Variants in LYPD5 observed in about 807,000 individuals in gnomAD.
LYPD5 encodes LY6/PLAUR domain containing 5.
Under a neutral mutation model 19.1 loss-of-function variants are expected in LYPD5, and 21 were observed. That is an observed-to-expected ratio of 1.10 (90% confidence interval 0.78 to 1.58). LYPD5 has a LOEUF of 1.58. LYPD5 is among the 40% of genes most tolerant of loss of function. The probability of loss-of-function intolerance (pLI) is 0.00; values close to 1 mark genes in which losing one functional copy is unlikely to be tolerated. For missense variants in LYPD5, 287 were observed against 329.8 expected, an observed-to-expected ratio of 0.87 and a Z score of 1.00; for synonymous variants, 128 against 142.7, an observed-to-expected ratio of 0.90 and a Z score of 0.74.
chr19:43,807,756 CT>C (rs952879380), intron 1 of LYPD5, among the ~76,000 whole-genome samples: 5 of 152,196 alleles, frequency 3.3e-5, no homozygotes, highest in African/African-American at 1.2e-4. Context: ...AGATTGGGTC[CT>C]GATTCAGTCA....
intron 1 of LYPD5, among the ~76,000 whole-genome samples, chr19:43,808,235 G>C (rs886473922): frequency 1.3e-5 from 2 of 152,102 alleles, no homozygotes; most frequent in Non-Finnish European, 1.5e-5. Flanking sequence ...CCTCCGGAGA[G>C]GCTGGGATTA....
intron 1 of LYPD5, among the ~76,000 whole-genome samples, chr19:43,816,710 T>A (rs1970378593): frequency 6.6e-6 from 1 of 152,242 alleles, no homozygotes; most frequent in Admixed American, 6.5e-5. Context: ...ACGGTTTGGC[T>A]GTGTCCCCAC....
intron 1 of LYPD5, among the ~76,000 whole-genome samples, chr19:43,808,968 T>C (rs1388270859): frequency 6.6e-6 from 1 of 152,272 alleles, no homozygotes; most frequent in Non-Finnish European, 1.5e-5. Context: ...ACTTGCATAA[T>C]ACTCTTTAAT....
chr19:43,814,355 G>A (rs1057391335), intron 1 of LYPD5, among the ~76,000 whole-genome samples: 2 of 152,118 alleles, frequency 1.3e-5, no homozygotes, highest in Non-Finnish European at 2.9e-5. Context: ...ATTAGCAGGT[G>A]TAGTGGTGCA....
chr19:43,803,399 C>T (rs1291106078), upstream of LYPD5, among the ~76,000 whole-genome samples: 2 of 152,198 alleles, frequency 1.3e-5, no homozygotes, highest in African/African-American at 4.8e-5. Flanking sequence ...AGACCCCAGG[C>T]TAGCACCTCC....
At chr19:43,808,787 T>G (rs1425797970) in intron 1 of LYPD5, among the ~76,000 whole-genome samples, 1 of 152,232 alleles carries the variant, frequency 6.6e-6, no homozygotes, top group Non-Finnish European at 1.5e-5. Flanking sequence ...CTGGTCCTGA[T>G]TATTTTTTGT....
intron 2 of LYPD5, 103 bp from the exon 3 acceptor site, chr19:43,799,091 TCCTCC>T: frequency 7.7e-7 from 1 of 1,292,844 alleles, no homozygotes; most frequent in Non-Finnish European, 1.0e-6. Flanking sequence ...CACCTACACC[TCCTCC>T]CCTCCCTCCT....
chr19:43,819,610 GA>G (rs1236773644), intron 1 of LYPD5, among the ~76,000 whole-genome samples: 1 of 151,924 alleles, frequency 6.6e-6, no homozygotes, highest in Non-Finnish European at 1.5e-5. Context: ...ACCCCCGTTG[GA>G]AAAAAGGAGA....
chr19:43,813,831 G>A (rs72626207), intron 1 of LYPD5, among the ~76,000 whole-genome samples: 1 of 152,132 alleles, frequency 6.6e-6, no homozygotes, highest in Non-Finnish European at 1.5e-5. Flanking sequence ...GGGATTACAA[G>A]TGCACACCAC....
intron 1 of LYPD5, among the ~76,000 whole-genome samples, chr19:43,812,502 A>C (rs1292408235): frequency 1.3e-5 from 2 of 152,132 alleles, no homozygotes; most frequent in African/African-American, 4.8e-5. Flanking sequence ...CTTCACTCCT[A>C]AATATAAATT....
At chr19:43,817,162 T>C (rs1414869935) in intron 1 of LYPD5, among the ~76,000 whole-genome samples, 1 of 152,174 alleles carries the variant, frequency 6.6e-6, no homozygotes, top group Non-Finnish European at 1.5e-5. Context: ...TGGGCTGGTT[T>C]GGCTGCAGCT....
At chr19:43,811,897 A>G (rs1360812099) in intron 1 of LYPD5, among the ~76,000 whole-genome samples, 2 of 152,152 alleles carry the variant, frequency 1.3e-5, no homozygotes, top group Non-Finnish European at 2.9e-5. Context: ...AACCACAAGC[A>G]AAATGTAGGG....
intron 1 of LYPD5, among the ~76,000 whole-genome samples, chr19:43,819,331 T>A (rs1281882814): frequency 1.4e-5 from 2 of 140,782 alleles, no homozygotes; most frequent in Non-Finnish European, 3.0e-5. Context: ...GTTGCCCAGG[T>A]TGGAGCGTAG....
chr19:43,816,876 C>G (rs919060638), intron 1 of LYPD5, among the ~76,000 whole-genome samples: 2 of 152,100 alleles, frequency 1.3e-5, no homozygotes, highest in African/African-American at 2.4e-5. Flanking sequence ...AGGGGAAACC[C>G]TTTTTGCTTG....
At chr19:43,805,350 T>C (rs1970262135), upstream of LYPD5, among the ~76,000 whole-genome samples, 2 of 152,230 alleles carry the variant, frequency 1.3e-5, no homozygotes, top group South Asian at 4.1e-4. Flanking sequence ...AGATATTCCC[T>C]AAGTAATGTG....
At chr19:43,812,334 T>TA (rs1273184091) in intron 1 of LYPD5, among the ~76,000 whole-genome samples, 1 of 136,420 alleles carries the variant, frequency 7.3e-6, no homozygotes, top group African/African-American at 2.8e-5. Context: ...GTGGTTATTT[T>TA]TTCTATCTAT....
intron 2 of LYPD5, 200 bp from the exon 3 acceptor site, chr19:43,799,188 C>T (rs1316043162): frequency 1.6e-6 from 1 of 608,884 alleles, no homozygotes; most frequent in South Asian, 2.1e-5. Context: ...CCTCTCCCAC[C>T]TTCTCTTCCT....
intron 1 of LYPD5, among the ~76,000 whole-genome samples, chr19:43,814,996 A>G (rs349034): frequency 1.8e-3 from 269 of 152,308 alleles, no homozygotes; most frequent in African/African-American, 6.1e-3. Flanking sequence ...AAATGGACTT[A>G]CTTCAGAACC....
upstream of LYPD5, among the ~76,000 whole-genome samples, chr19:43,804,740 G>A (rs147451022): frequency 4.6e-3 from 693 of 152,234 alleles, 2 homozygotes; most frequent in Non-Finnish European, 4.9e-3. Context: ...CAGGCTCTCA[G>A]TGGGGGTCTA....
Sources: gnomAD v4.1 joint callset for allele counts (sites outside exome capture counted in the v4.1 genomes callset) on GRCh38, gnomAD v4.1.1 for gene constraint, MANE v1.5 for transcripts, NCBI Gene and HGNC (gene_info 2026-07-23, HGNC 2026-07-21) for gene names.